The following NCOR2 variants were observed in gnomAD, a reference collection of about 807,000 sequenced individuals.
The protein encoded by NCOR2 is nuclear receptor corepressor 2.
In NCOR2, 81 loss-of-function variants were observed where a neutral mutation model predicts 262.9. The ratio of observed to expected loss-of-function variants is 0.31; its 90% CI spans 0.26 to 0.37. The LOEUF is 0.37. Ranked by LOEUF, NCOR2 falls within the 10% of genes least tolerant of loss-of-function variation. The pLI, the probability that NCOR2 is intolerant of heterozygous loss-of-function variation, is 1.00. For synonymous variants in NCOR2, 1,659 were observed against 1,559.3 expected (o/e 1.06, Z -1.51); for missense variants, 3,385 against 3,621.4 (o/e 0.93, Z 1.68).
intron 1 of NCOR2, among the ~76,000 whole-genome samples, chr12:124,525,615 G>T (rs1053656952): frequency 1.3e-5 from 2 of 152,230 alleles, no homozygotes; most frequent in Admixed American, 6.5e-5. Flanking sequence ...CAGCTGCTGC[G>T]TGCCTGAGGG....
chr12:124,391,844 G>A (rs967674243), intron 16 of NCOR2, among the ~76,000 whole-genome samples: 5 of 152,168 alleles, frequency 3.3e-5, no homozygotes, highest in South Asian at 2.1e-4. Context: ...GCGCTGTCTC[G>A]CCTACCATTT....
Position 124,549,420 on chromosome 12 carries a change from A to G in NCOR2, c.-164-13809T>C, listed in dbSNP as rs1208777473. Reference sequence around the variant, plus strand: ...TCAAATGAACCCACTTAATCCCCCTAGGGATCTCTGCTGAGCTGGCTCCTT... The same window carrying G: ...TCAAATGAACCCACTTAATCCCCCTGGGGATCTCTGCTGAGCTGGCTCCTT... On this transcript the variant is annotated intron_variant, in intron 1 of 32. Transcript: ENST00000458234. The surrounding 1 kb of genome is among the most constrained non-coding windows in gnomAD (Gnocchi z 4.4). 6.6e-6 allele frequency among the ~76,000 whole-genome samples: 1 copy of G among 152,122 alleles called. No individual in the cohort carries two copies. The highest frequency in any genetic ancestry group is 1.5e-5 in the Non-Finnish European group (1 of 67,994).
At chr12:124,533,605 G>T (rs1001675029) in intron 1 of NCOR2, among the ~76,000 whole-genome samples, 2 of 152,160 alleles carry the variant, frequency 1.3e-5, no homozygotes, top group Non-Finnish European at 2.9e-5. Context: ...TAGGTGCTTG[G>T]CCGTCTTGTC....
chr12:124,396,829 G>A (rs755088115), intron 16 of NCOR2, among the ~76,000 whole-genome samples: 8 of 152,168 alleles, frequency 5.3e-5, no homozygotes, highest in South Asian at 2.1e-4. Flanking sequence ...CAGGAGCCCC[G>A]TGATCCAGGC....
chr12:124,414,906 T>C (rs1437149349), intron 13 of NCOR2, among the ~76,000 whole-genome samples: 1 of 152,138 alleles, frequency 6.6e-6, no homozygotes, highest in Non-Finnish European at 1.5e-5. Context: ...GGAGTGGGGC[T>C]GGGCAGGGGC....
At chr12:124,427,760 GA>G (rs1479703367) in intron 10 of NCOR2, among the ~76,000 whole-genome samples, 1 of 152,094 alleles carries the variant, frequency 6.6e-6, no homozygotes, top group Non-Finnish European at 1.5e-5. Flanking sequence ...ATAATGGCAG[GA>G]CCCCCGGCAC....
At chr12:124,510,448 T>G (rs1029693041) in intron 1 of NCOR2, among the ~76,000 whole-genome samples, 2 of 152,164 alleles carry the variant, frequency 1.3e-5, no homozygotes, top group Non-Finnish European at 2.9e-5. Flanking sequence ...TGGCACCAAC[T>G]CCTTCCTCAC....
chr12:124,335,163 C>T (rs746454948), exon 40 of NCOR2: 44 of 1,611,906 alleles, frequency 2.7e-5, no homozygotes, highest in East Asian at 1.8e-4. Flanking sequence ...GGTGACCACC[C>T]GCTGGTGACC....
In NCOR2 at chr12:124,549,851, G is replaced by A. The variant is rs1342872868; in HGVS notation, c.-164-14240C>T. On this transcript the variant is annotated intron_variant, in intron 1 of 32. Coordinates refer to the NCOR2 transcript ENST00000458234. The surrounding 1 kb of genome is among the most constrained non-coding windows in gnomAD (Gnocchi z 4.4). ...TCCCACTGGGAAGGCAGGGGTGGAT[G>A]GGCAGAGTGTCACGCCTGCCTAGGG... Among the ~76,000 whole-genome samples, 4 of 152,152 alleles carry A rather than the reference G, an allele frequency of 2.6e-5. No individual in the cohort carries two copies. Among genetic ancestry groups the A allele is most frequent in the Admixed American group, 2.0e-4 (3 of 15,286 alleles).
intron 4 of NCOR2, among the ~76,000 whole-genome samples, chr12:124,467,828 C>A (rs1428129781): frequency 5.9e-5 from 4 of 67,676 alleles, no homozygotes; most frequent in Non-Finnish European, 1.2e-4. Context: ...ACCCCCATCA[C>A]CCTCATCCTC....
intron 1 of NCOR2, among the ~76,000 whole-genome samples, chr12:124,487,718 A>G (rs539647084): frequency 1.7e-4 from 26 of 152,362 alleles, no homozygotes; most frequent in African/African-American, 6.0e-4. Flanking sequence ...CTGATAGCAC[A>G]ATTGTCCTGT....
At chr12:124,487,260 T>C (rs2047813692) in intron 1 of NCOR2, among the ~76,000 whole-genome samples, 1 of 152,158 alleles carries the variant, frequency 6.6e-6, no homozygotes, top group African/African-American at 2.4e-5. Context: ...TGGCAAGTGA[T>C]GGCGACAAAC....
At chr12:124,492,778 T>C (rs1021205156) in intron 1 of NCOR2, among the ~76,000 whole-genome samples, 1 of 152,074 alleles carries the variant, frequency 6.6e-6, no homozygotes, top group Non-Finnish European at 1.5e-5. Context: ...AGCCCCCAGC[T>C]CACCTCCAAC....
Position 124,454,646 on chromosome 12 carries a change from C to T in NCOR2, c.762+2460G>A, listed in dbSNP as rs1049704522. Among the ~76,000 whole-genome samples, 1 of 152,214 alleles carries T rather than the reference C, an allele frequency of 6.6e-6. No homozygotes were observed. Among genetic ancestry groups the T allele is most frequent in the Non-Finnish European group, 1.5e-5 (1 of 68,040 alleles). On this transcript the variant is annotated intron_variant, in intron 6 of 46. Transcript: ENST00000405201. This position sits in a 1 kb window ranked among gnomAD's most constrained non-coding sequence, Gnocchi z 5.6. ...GGAACTTCATCCAACCCTGCCATCC[C>T]TATTTGGCAGAAAAGGAGAAACCGA...
At position 124,486,297 on chromosome 12, in the gene NCOR2, C is replaced by A. The variant is rs973238362; in HGVS notation, c.233+144G>T. On this transcript the variant is annotated intron_variant, in intron 2 of 46. Transcript: ENST00000405201. The stretch of plus-strand genomic sequence containing the variant: ...CCATCCTCACCCCGAGTCACGCCCA[C>A]GCCAGGTCAAGGGTGAACACACGGC... 17 of 1,316,426 alleles carry A rather than the reference C, an allele frequency of 1.3e-5. No homozygotes were observed. The African/African-American group carries it at 1.7e-4, about 13-fold the overall frequency. 81.5% of individuals were successfully genotyped at this position (1,316,426 alleles called of 1,614,324 possible).
At chr12:124,413,827 C>T (rs1208662095) in intron 13 of NCOR2, among the ~76,000 whole-genome samples, 1 of 152,112 alleles carries the variant, frequency 6.6e-6, no homozygotes, top group Non-Finnish European at 1.5e-5. Context: ...GGCGGAGGCA[C>T]TGAGAGAGAA....
chr12:124,497,354 C>T (rs2048431435), upstream of NCOR2, among the ~76,000 whole-genome samples: 1 of 152,246 alleles, frequency 6.6e-6, no homozygotes, highest in Admixed American at 6.5e-5. This position sits in a 1 kb window ranked among gnomAD's most constrained non-coding sequence, Gnocchi z 4.2. Context: ...CGTCCCGCTC[C>T]ACCATCGCTA....
At chr12:124,449,326 C>T (rs2045380034) in intron 7 of NCOR2, among the ~76,000 whole-genome samples, 2 of 152,210 alleles carry the variant, frequency 1.3e-5, no homozygotes, top group South Asian at 4.1e-4. Flanking sequence ...TGGATGAGTG[C>T]TCTGATCTGC....
At chr12:124,396,343 T>C (rs986363114) in intron 16 of NCOR2, among the ~76,000 whole-genome samples, 4 of 152,236 alleles carry the variant, frequency 2.6e-5, no homozygotes, top group Admixed American at 6.5e-5. Flanking sequence ...CTTCGTGCCA[T>C]GTGTATCATC....
Sources: allele counts gnomAD v4.1 joint callset (sites outside exome capture counted in the v4.1 genomes callset), GRCh38; gene constraint gnomAD v4.1.1; non-coding constraint Gnocchi (gnomAD v3.1); transcripts MANE v1.5; gene names NCBI Gene and HGNC (gene_info 2026-07-23, HGNC 2026-07-21).